SOS2: variants seen among roughly 807,000 people sequenced by gnomAD.
SOS2 encodes SOS Ras/Rho guanine nucleotide exchange factor 2.
Under a neutral mutation model 148.2 loss-of-function variants are expected in SOS2, and 65 were observed. The ratio of observed to expected loss-of-function variants is 0.44; its 90% CI spans 0.36 to 0.54. The LOEUF (loss-of-function observed/expected upper bound fraction) is 0.54, where lower values mean the gene tolerates loss of function less well. SOS2 is among the 20% of genes least tolerant of loss of function. The pLI is 0.00. For missense variants in SOS2, 1,341 were observed against 1,590.2 expected (o/e 0.84, Z 2.67); for synonymous variants, 539 against 537.1 (o/e 1.00, Z -0.05).
rs1015229594 is a variant in SOS2, at chr14:50,231,234, G to C, written c.50C>G (p.Pro17Arg). 2.0e-6 allele frequency: 3 copies of C among 1,515,260 alleles called. No homozygotes were observed. The highest frequency in any genetic ancestry group is 2.7e-6 in the Non-Finnish European group (3 of 1,120,814). The allele number at this position is 1,515,260 out of a possible 1,614,324, so 93.9% of individuals were successfully genotyped here. A position where few individuals can be genotyped will look rare whatever the true frequency, so the allele number is the denominator to read the frequency against. ...CGAGACCAACAGTCCCCGCCATTTC[G>C]GACTGTTCTCCTCGCTGAAGAACTC... ...PYEFFSEENS[P>R]KWRGLLVSAL... Residue 17 changes from proline to arginine, a missense_variant, in exon 1 of 23, where the codon CCG becomes CGG. Pro to Arg is a moderately radical substitution (Grantham distance 103, BLOSUM62 -2). This residue lies in a region of SOS2 where 574 missense variants were observed against 711.1 expected (regional missense o/e 0.81). Coordinates refer to ENST00000216373, the MANE Select transcript of SOS2 (RefSeq NM_006939.4).
At chr14:50,222,457 T>C (rs1887227824) in intron 1 of SOS2, among the ~76,000 whole-genome samples, 4 of 152,166 alleles carry the variant, frequency 2.6e-5, no homozygotes, top group Non-Finnish European at 4.4e-5. Flanking sequence ...TACAGGTTTA[T>C]GGGAAAAAAT....
chr14:50,161,356 T>C lies in SOS2; in HGVS notation c.1196+126A>G, dbSNP rs112964803. The C allele has an allele frequency of 7.3e-4, 551 of 754,702 alleles. 4 individuals carry two copies. In the African/African-American group the frequency reaches 7.7e-3, roughly 11 times the overall value. The allele number at this position is 754,702 out of a possible 1,614,324, so 46.8% of individuals were successfully genotyped here. A position where few individuals can be genotyped will look rare whatever the true frequency, so the allele number is the denominator to read the frequency against. On this transcript the variant is annotated intron_variant, in intron 9 of 22. Coordinates refer to ENST00000216373, the MANE Select transcript of SOS2 (RefSeq NM_006939.4). ...AGTAAAAGACCAACATAAAAGTATA[T>C]AAAAGTATGACAAGCACAACTTTCA...
intron 7 of SOS2, among the ~76,000 whole-genome samples, chr14:50,176,457 T>C (rs1003256372): frequency 6.6e-6 from 1 of 152,212 alleles, no homozygotes; most frequent in African/African-American, 2.4e-5. Flanking sequence ...ATCAACTGTT[T>C]TGCTTATTTG....
intron 5 of SOS2, among the ~76,000 whole-genome samples, chr14:50,187,728 CTT>C (rs1271681633): frequency 2.0e-5 from 3 of 152,118 alleles, no homozygotes; most frequent in African/African-American, 7.2e-5. Flanking sequence ...AGAAAAAAAA[CTT>C]TTTTGTTTGT....
intron 1 of SOS2, among the ~76,000 whole-genome samples, chr14:50,219,688 T>C (rs575445540): frequency 1.3e-5 from 2 of 152,210 alleles, no homozygotes; most frequent in African/African-American, 4.8e-5. Context: ...TGTAAATATA[T>C]ACTTTATATC....
chr14:50,230,681 G>T (rs1329901347), intron 1 of SOS2, among the ~76,000 whole-genome samples: 4 of 152,136 alleles, frequency 2.6e-5, no homozygotes, highest in Non-Finnish European at 5.9e-5. Context: ...TTTACCTTGA[G>T]AACTGTAAAA....
chr14:50,200,049 C>G lies in SOS2; in HGVS notation c.346-194G>C, dbSNP rs74542284. On this transcript the variant is annotated intron_variant, in intron 3 of 22. Transcript: ENST00000216373. The stretch of plus-strand genomic sequence containing the variant: ...GGATTTTTTTTCTTTTAAGAGACAT[C>G]TAATCTAACAACTCTGCCTTTTATC... Among the ~76,000 whole-genome samples the G allele has an allele frequency of 9.4e-3, 1,433 of 152,206 alleles. 16 individuals carry two copies. The highest frequency in any genetic ancestry group is 0.065 in the Middle Eastern group (19 of 294).
chr14:50,124,100 C>A (rs1204397966), intron 21 of SOS2, among the ~76,000 whole-genome samples: 1 of 152,006 alleles, frequency 6.6e-6, no homozygotes. Flanking sequence ...ATTAGATATC[C>A]AACTGGAGAT....
intron 1 of SOS2, chr14:50,215,549 T>A: frequency 1.9e-6 from 2 of 1,070,602 alleles, no homozygotes; most frequent in Non-Finnish European, 2.4e-6. Context: ...AACAGTAGAT[T>A]AACAAGTCAG....
At chr14:50,122,577 G>A (rs930213178) in intron 21 of SOS2, among the ~76,000 whole-genome samples, 1 of 151,996 alleles carries the variant, frequency 6.6e-6, no homozygotes, top group African/African-American at 2.4e-5. Flanking sequence ...GGTGGTAACA[G>A]ACACGCACAC....
At chr14:50,125,549 G>T (rs566821659) in intron 21 of SOS2, among the ~76,000 whole-genome samples, 229 of 152,136 alleles carry the variant, frequency 1.5e-3, no homozygotes, top group Non-Finnish European at 1.2e-3. Context: ...TGAAGCTGAA[G>T]CTTTAATTCA....
chr14:50,139,144 A>T (rs1369599098), intron 17 of SOS2, among the ~76,000 whole-genome samples: 1 of 152,174 alleles, frequency 6.6e-6, no homozygotes, highest in Non-Finnish European at 1.5e-5. Context: ...ATTTAATGCC[A>T]AGTATCTTAG....
chr14:50,166,882 T>C (rs1885183657), intron 8 of SOS2, among the ~76,000 whole-genome samples: 3 of 152,092 alleles, frequency 2.0e-5, no homozygotes, highest in South Asian at 2.1e-4. Context: ...AAGAGTGGAG[T>C]TGGTAATTTG....
chr14:50,220,266 C>T (rs1400917685), intron 1 of SOS2, among the ~76,000 whole-genome samples: 2 of 150,060 alleles, frequency 1.3e-5, no homozygotes, highest in Non-Finnish European at 3.0e-5. Context: ...CTTAGCTGGG[C>T]GTGGTGGCGG....
intron 19 of SOS2, among the ~76,000 whole-genome samples, chr14:50,133,235 C>CTTTTT (rs1883951975): frequency 4.1e-5 from 5 of 122,640 alleles, no homozygotes; most frequent in African/African-American, 1.2e-4. Context: ...AACTTTTTTT[C>CTTTTT]TTTTTTCTTT....
intron 2 of SOS2, among the ~76,000 whole-genome samples, chr14:50,201,901 T>C (rs962672364): frequency 1.3e-5 from 2 of 152,162 alleles, no homozygotes; most frequent in African/African-American, 4.8e-5. Context: ...CTTATGAAAA[T>C]ACGTACCTTG....
chr14:50,136,926 T>A (rs1171390814), intron 18 of SOS2, among the ~76,000 whole-genome samples: 1 of 152,144 alleles, frequency 6.6e-6, no homozygotes, highest in Non-Finnish European at 1.5e-5. Flanking sequence ...AGGTGGTCTT[T>A]TTCTTAGGAC....
chr14:50,182,755 A>G (rs1423017779), intron 5 of SOS2, 149 bp from the exon 6 acceptor site: 2 of 621,998 alleles, frequency 3.2e-6, no homozygotes, highest in African/African-American at 3.7e-5. Context: ...CTGCTGCTGT[A>G]CGCTGCCGCT....
intron 8 of SOS2, among the ~76,000 whole-genome samples, chr14:50,164,500 G>A (rs1170653846): frequency 1.3e-5 from 2 of 151,928 alleles, no homozygotes; most frequent in East Asian, 1.9e-4. Context: ...ACGTGGTGGT[G>A]CATGCCTGTA....
Sources: gnomAD v4.1 joint callset for allele counts (sites outside exome capture counted in the v4.1 genomes callset) on GRCh38, gnomAD v4.1.1 for gene constraint, gnomAD v4.1.1 regional missense constraint, MANE v1.5 for transcripts, NCBI Gene and HGNC (gene_info 2026-07-23, HGNC 2026-07-21) for gene names.